PCDH9: variants seen among roughly 807,000 people sequenced by gnomAD.
PCDH9 encodes the protein protocadherin 9.
In PCDH9, 24 loss-of-function variants were observed where a neutral mutation model predicts 70.6. That is an observed-to-expected ratio of 0.34 (90% CI 0.25 to 0.48). The LOEUF (loss-of-function observed/expected upper bound fraction) is 0.48, where lower values mean the gene tolerates loss of function less well. Ranked by LOEUF, PCDH9 falls within the 20% of genes least tolerant of loss-of-function variation. The pLI, the probability that PCDH9 is intolerant of heterozygous loss-of-function variation, is 0.99. For synonymous variants in PCDH9, 562 were observed against 558.5 expected, an observed-to-expected ratio of 1.01 and a Z score of -0.09; for missense variants, 1,281 against 1,503.6, an observed-to-expected ratio of 0.85 and a Z score of 2.45.
chr13:66,642,758 T>C (rs2077725175), intron 3 of PCDH9, among the ~76,000 whole-genome samples: 1 of 151,920 alleles, frequency 6.6e-6, no homozygotes, highest in Admixed American at 6.5e-5. Context: ...AAAATTATAT[T>C]TGAGGAATTC....
At chr13:67,008,245 T>G (rs2084389863) in intron 2 of PCDH9, among the ~76,000 whole-genome samples, 1 of 152,006 alleles carries the variant, frequency 6.6e-6, no homozygotes, top group South Asian at 2.1e-4. Flanking sequence ...TACTGGAGAG[T>G]AAAAAGCACT....
intron 4 of PCDH9, among the ~76,000 whole-genome samples, chr13:66,496,940 A>C (rs958788252): frequency 6.6e-6 from 1 of 152,200 alleles, no homozygotes; most frequent in South Asian, 2.1e-4. Context: ...ACGATTGGTT[A>C]TCTCTTTCAC....
intron 3 of PCDH9, among the ~76,000 whole-genome samples, chr13:66,886,684 T>C (rs943300225): frequency 5.9e-5 from 9 of 152,118 alleles, no homozygotes; most frequent in African/African-American, 2.2e-4. Flanking sequence ...AATCATAATG[T>C]TAATTATTAT....
chr13:66,598,573 C>G (rs2077129658), intron 4 of PCDH9, among the ~76,000 whole-genome samples: 1 of 151,558 alleles, frequency 6.6e-6, no homozygotes, highest in South Asian at 2.1e-4. Flanking sequence ...TAATAAAGAG[C>G]AAAACTGCTA....
intron 4 of PCDH9, among the ~76,000 whole-genome samples, chr13:66,408,747 TA>T (rs1442977129): frequency 6.6e-6 from 1 of 151,978 alleles, no homozygotes; most frequent in African/African-American, 2.4e-5. Flanking sequence ...TTTCAAATAA[TA>T]ATTATGGAAG....
intron 2 of PCDH9, among the ~76,000 whole-genome samples, chr13:67,180,623 A>G (rs2088590726): frequency 1.3e-5 from 2 of 152,184 alleles, no homozygotes; most frequent in African/African-American, 2.4e-5. Flanking sequence ...TAAAATAACT[A>G]TTCAAAATTC....
intron 2 of PCDH9, among the ~76,000 whole-genome samples, chr13:67,051,381 G>GTTTTTTTTT (rs1566390103): frequency 5.7e-5 from 5 of 87,714 alleles, no homozygotes; most frequent in Non-Finnish European, 9.0e-5. Context: ...AACAATACAA[G>GTTTTTTTTT]ATTTTTTTTT....
At position 66,423,142 on chromosome 13, in the gene PCDH9, G is replaced by A. The variant is rs149625087; in HGVS notation, c.3341-118114C>T. On this transcript the variant is annotated intron_variant, in intron 4 of 4. Transcript: ENST00000377865. ...AAATCCCTGAATAGACCAATAACAAGTTCTGAAATTGAGGCAGGAATTAAC... is the reference window on the plus strand; with the variant it reads ...AAATCCCTGAATAGACCAATAACAAATTCTGAAATTGAGGCAGGAATTAAC... Among the ~76,000 whole-genome samples, 579 of 152,124 alleles carry A rather than the reference G, an allele frequency of 3.8e-3. 6 individuals are homozygous for A. Among genetic ancestry groups the A allele is most frequent in the African/African-American group, 0.013 (554 of 41,502 alleles).
At chr13:66,530,005 A>G (rs1408142124) in intron 4 of PCDH9, among the ~76,000 whole-genome samples, 1 of 152,032 alleles carries the variant, frequency 6.6e-6, no homozygotes, top group Non-Finnish European at 1.5e-5. Flanking sequence ...ACCACACATC[A>G]TGAACACACA....
At chr13:67,010,428 AG>A (rs2084431805) in intron 2 of PCDH9, among the ~76,000 whole-genome samples, 1 of 151,986 alleles carries the variant, frequency 6.6e-6, no homozygotes, top group African/African-American at 2.4e-5. Flanking sequence ...TGCCTATAAA[AG>A]CCTGTTAGGC....
rs552574889 is a variant in PCDH9, at chr13:66,589,945, T to C, written c.3340+41265A>G. 6.3e-4 allele frequency among the ~76,000 whole-genome samples: 96 copies of C among 152,180 alleles called. 3 individuals are homozygous for C. The South Asian group carries it at 0.019, about 30-fold the overall frequency. Reference sequence around the variant, plus strand: ...AAATATTAGTATTCAAATTATTCCATGTGGTTCTATAAAAGTATAATTTTT... The same window carrying C: ...AAATATTAGTATTCAAATTATTCCACGTGGTTCTATAAAAGTATAATTTTT... On this transcript the variant is annotated intron_variant, in intron 4 of 4. Transcript: ENST00000377865.
At position 66,443,541 on chromosome 13, in the gene PCDH9, A is replaced by C. The variant is rs549431786; in HGVS notation, c.3341-138513T>G. Among the ~76,000 whole-genome samples the C allele has an allele frequency of 3.2e-3, 485 of 152,292 alleles. 2 individuals carry two copies. Among genetic ancestry groups the C allele is most frequent in the Non-Finnish European group, 5.0e-3 (343 of 68,010 alleles). ...CATAATTAATAGTGACAACATTCTA[A>C]TAAAACTAACAGTGCTGATTTTCAT... On this transcript the variant is annotated intron_variant, in intron 4 of 4. Transcript: ENST00000377865.
chr13:66,499,000 T>A (rs1291639628), intron 4 of PCDH9, among the ~76,000 whole-genome samples: 1 of 151,720 alleles, frequency 6.6e-6, no homozygotes, highest in Non-Finnish European at 1.5e-5. Context: ...GAATGAAGTG[T>A]TGAAGGAACA....
intron 4 of PCDH9, among the ~76,000 whole-genome samples, chr13:66,521,182 T>TC (rs1959970353): frequency 1.3e-5 from 2 of 152,140 alleles, no homozygotes; most frequent in South Asian, 4.1e-4. Flanking sequence ...ATCTTTTTTT[T>TC]CCCTCTGTTG....
intron 2 of PCDH9, among the ~76,000 whole-genome samples, chr13:66,906,473 A>G (rs2082362414): frequency 6.6e-6 from 1 of 152,188 alleles, no homozygotes; most frequent in Admixed American, 6.5e-5. Flanking sequence ...TTTAAAGGTC[A>G]TTCTTTTTCT....
At chr13:66,776,735 C>T (rs2079900578) in intron 3 of PCDH9, among the ~76,000 whole-genome samples, 1 of 151,626 alleles carries the variant, frequency 6.6e-6, no homozygotes, top group Non-Finnish European at 1.5e-5. Flanking sequence ...ATGCCATCCC[C>T]ATCAAGCTAC....
intron 4 of PCDH9, among the ~76,000 whole-genome samples, chr13:66,379,650 T>C (rs1461733957): frequency 6.6e-6 from 1 of 152,136 alleles, no homozygotes; most frequent in Non-Finnish European, 1.5e-5. Flanking sequence ...GCAGGGTATC[T>C]ATAGTGCTGT....
chr13:67,093,832 TA>T (rs1432399025), intron 2 of PCDH9, among the ~76,000 whole-genome samples: 3 of 152,156 alleles, frequency 2.0e-5, no homozygotes, highest in Non-Finnish European at 4.4e-5. Flanking sequence ...TCCAAGTCAA[TA>T]TTACTAACAA....
At chr13:66,610,503 A>G (rs1241137088) in intron 4 of PCDH9, among the ~76,000 whole-genome samples, 1 of 152,188 alleles carries the variant, frequency 6.6e-6, no homozygotes, top group Non-Finnish European at 1.5e-5. Context: ...GATAGAATAT[A>G]GGCCAATTTC....
Sources: allele counts gnomAD v4.1 joint callset (sites outside exome capture counted in the v4.1 genomes callset), GRCh38; gene constraint gnomAD v4.1.1; transcripts MANE v1.5; gene names NCBI Gene and HGNC (gene_info 2026-07-23, HGNC 2026-07-21).